SGCZ: variants seen among roughly 807,000 people sequenced by gnomAD.
SGCZ encodes the protein sarcoglycan zeta.
SGCZ carries 40 observed loss-of-function variants against 41.3 expected under a neutral mutation model. The ratio of observed to expected loss-of-function variants is 0.97; its 90% CI spans 0.75 to 1.26. The LOEUF is 1.26. Ranked by LOEUF, SGCZ falls within the 50% of genes most tolerant of loss-of-function variation. SGCZ has a pLI of 0.00. For synonymous variants in SGCZ, 206 were observed against 137.5 expected (o/e 1.50, Z -3.49); for missense variants, 552 against 369.8 (o/e 1.49, Z -4.04).
chr8:15,181,267 T>G (rs1301298389), intron 1 of SGCZ, among the ~76,000 whole-genome samples: 1 of 152,050 alleles, frequency 6.6e-6, no homozygotes, highest in African/African-American at 2.4e-5. Flanking sequence ...AAAGATTTAT[T>G]CTTTTTACTT....
intron 1 of SGCZ, among the ~76,000 whole-genome samples, chr8:14,572,713 C>T (rs1405312519): frequency 6.6e-6 from 1 of 152,054 alleles, no homozygotes; most frequent in African/African-American, 2.4e-5. Flanking sequence ...ACATCTGTAC[C>T]ACTCAATTAA....
At chr8:14,195,504 G>A (rs1805239715) in intron 4 of SGCZ, among the ~76,000 whole-genome samples, 1 of 152,090 alleles carries the variant, frequency 6.6e-6, no homozygotes, top group South Asian at 2.1e-4. Flanking sequence ...TTGGAGAAAT[G>A]ATGGGATAAA....
At chr8:15,153,975 G>C (rs1799253237) in intron 1 of SGCZ, among the ~76,000 whole-genome samples, 1 of 152,016 alleles carries the variant, frequency 6.6e-6, no homozygotes. Flanking sequence ...TTCTCATAAG[G>C]AGAATGCAAC....
At chr8:14,313,069 A>G (rs1200192048) in intron 3 of SGCZ, among the ~76,000 whole-genome samples, 1 of 152,114 alleles carries the variant, frequency 6.6e-6, no homozygotes, top group Non-Finnish European at 1.5e-5. Context: ...TTTTTTCATG[A>G]TACTCAGATA....
At chr8:15,017,283 A>G (rs1322965320) in intron 1 of SGCZ, among the ~76,000 whole-genome samples, 2 of 152,106 alleles carry the variant, frequency 1.3e-5, no homozygotes, top group East Asian at 1.9e-4. Context: ...ATGCATGAAA[A>G]TGACAGTTTC....
At chr8:14,129,058 T>C (rs1299966395) in intron 5 of SGCZ, among the ~76,000 whole-genome samples, 1 of 151,904 alleles carries the variant, frequency 6.6e-6, no homozygotes, top group Admixed American at 6.6e-5. Flanking sequence ...TAAAAAACCT[T>C]CTCTTGGGTC....
chr8:14,500,956 TA>T (rs71209054), intron 2 of SGCZ, among the ~76,000 whole-genome samples: 12 of 150,422 alleles, frequency 8.0e-5, no homozygotes, highest in South Asian at 2.1e-4. Context: ...ATTGCTGGTG[TA>T]AAAAAAAAAT....
At chr8:14,835,496 GA>G (rs1372830153) in intron 1 of SGCZ, among the ~76,000 whole-genome samples, 1 of 152,084 alleles carries the variant, frequency 6.6e-6, no homozygotes, top group Non-Finnish European at 1.5e-5. Flanking sequence ...GTGTCTGCAG[GA>G]TACTGCATTT....
intron 1 of SGCZ, among the ~76,000 whole-genome samples, chr8:15,137,969 G>C (rs532939393): frequency 6.6e-6 from 1 of 152,264 alleles, no homozygotes; most frequent in African/African-American, 2.4e-5. Flanking sequence ...AAATGCCACA[G>C]ACGCTCAAAG....
intron 1 of SGCZ, among the ~76,000 whole-genome samples, chr8:14,652,614 T>G (rs1413072656): frequency 6.6e-6 from 1 of 152,054 alleles, no homozygotes; most frequent in African/African-American, 2.4e-5. Context: ...GTTTCCCACA[T>G]AGGAACTAAC....
intron 2 of SGCZ, among the ~76,000 whole-genome samples, chr8:14,457,457 A>T (rs1183595586): frequency 1.3e-5 from 2 of 152,022 alleles, no homozygotes; most frequent in African/African-American, 4.8e-5. Context: ...TCCCTGGGGG[A>T]GTTTAGAGAA....
intron 2 of SGCZ, among the ~76,000 whole-genome samples, chr8:14,542,277 A>C (rs1349906899): frequency 6.6e-6 from 1 of 152,056 alleles, no homozygotes; most frequent in Non-Finnish European, 1.5e-5. Context: ...CTAATATCTT[A>C]ACCCTCATTT....
chr8:14,287,987 T>C (rs1800698572), intron 3 of SGCZ, among the ~76,000 whole-genome samples: 3 of 152,144 alleles, frequency 2.0e-5, no homozygotes, highest in Admixed American at 2.0e-4. Context: ...CTATTTATTT[T>C]TATTTTTTTA....
intron 1 of SGCZ, among the ~76,000 whole-genome samples, chr8:14,612,432 T>C (rs1805959754): frequency 1.3e-5 from 2 of 152,178 alleles, no homozygotes; most frequent in African/African-American, 2.4e-5. Flanking sequence ...TCCTCAGCCA[T>C]AAGGAAGTGT....
At chr8:14,479,662 GTTAAT>G (rs1801467040) in intron 2 of SGCZ, among the ~76,000 whole-genome samples, 2 of 147,916 alleles carry the variant, frequency 1.4e-5, no homozygotes, top group Non-Finnish European at 3.0e-5. Context: ...ACAAAATGGA[GTTAAT>G]TTAATGTGAT....
intron 1 of SGCZ, among the ~76,000 whole-genome samples, chr8:14,804,173 TCTC>T (rs1403305416): frequency 1.1e-5 from 1 of 90,062 alleles, no homozygotes; most frequent in Non-Finnish European, 2.2e-5. Context: ...GCAGAGCGCC[TCTC>T]CTCCTCCAAA....
At chr8:14,596,745 C>T (rs1805425091) in intron 1 of SGCZ, among the ~76,000 whole-genome samples, 2 of 152,056 alleles carry the variant, frequency 1.3e-5, no homozygotes, top group South Asian at 2.1e-4. Context: ...CTAGATGATG[C>T]GTTGACAGGT....
chr8:14,939,778 A>G (rs1460841202), intron 1 of SGCZ, among the ~76,000 whole-genome samples: 1 of 152,126 alleles, frequency 6.6e-6, no homozygotes, highest in African/African-American at 2.4e-5. Flanking sequence ...CAAGGGAAGC[A>G]GCTTCTACAA....
chr8:15,140,684 CCT>C (rs1361118475), intron 1 of SGCZ, among the ~76,000 whole-genome samples: 3 of 151,908 alleles, frequency 2.0e-5, no homozygotes, highest in Non-Finnish European at 2.9e-5. Context: ...CTGTATTTCC[CCT>C]GTCTATAATA....
Sources: gnomAD v4.1 joint callset for allele counts (sites outside exome capture counted in the v4.1 genomes callset) on GRCh38, gnomAD v4.1.1 for gene constraint, MANE v1.5 for transcripts, NCBI Gene and HGNC (gene_info 2026-07-23, HGNC 2026-07-21) for gene names.